The following PSD3 variants were observed in gnomAD, a reference collection of about 807,000 sequenced individuals.
PSD3 encodes the protein pleckstrin and Sec7 domain containing 3, also known as PH and SEC7 domain-containing protein 3.
A neutral mutation model predicts 105.5 loss-of-function variants in PSD3; 49 were observed. The observed-to-expected ratio is 0.46, with a 90% confidence interval of 0.37 to 0.59. The LOEUF is 0.59. PSD3 is among the 20% of genes least tolerant of loss of function. The pLI is 0.00. For synonymous variants in PSD3, 557 were observed against 457.8 expected (o/e 1.22, Z -2.77); for missense variants, 1,561 against 1,263.8 (o/e 1.24, Z -3.57).
Position 19,009,143 on chromosome 8 carries a change from G to T in PSD3, c.21+4420C>A, listed in dbSNP as rs577300231. 5.3e-5 allele frequency among the ~76,000 whole-genome samples: 8 copies of T among 152,266 alleles called. No homozygotes were observed. In the South Asian group the frequency reaches 1.7e-3, roughly 32 times the overall value. ...AGAGATCCTTTTAGACACCCCAGGG[G>T]TTTTGTTGTTGTTGTTTAATTACAC... On this transcript the variant is annotated intron_variant, in intron 1 of 15. Coordinates refer to ENST00000327040, the MANE Select transcript of PSD3 (RefSeq NM_015310.4).
chr8:18,693,945 A>C (rs1172277049), intron 9 of PSD3, among the ~76,000 whole-genome samples: 1 of 152,202 alleles, frequency 6.6e-6, no homozygotes, highest in East Asian at 1.9e-4. Flanking sequence ...AAGCATTAGC[A>C]TGGCATCTGA....
chr8:19,053,408 G>A (rs1371033145), intron 1 of PSD3, among the ~76,000 whole-genome samples: 2 of 152,182 alleles, frequency 1.3e-5, no homozygotes, highest in African/African-American at 2.4e-5. Flanking sequence ...GGGACAGAGT[G>A]ATTTAGAGAA....
At chr8:18,828,065 A>AT (rs1403148605) in intron 4 of PSD3, among the ~76,000 whole-genome samples, 243 of 104,608 alleles carry the variant, frequency 2.3e-3, no homozygotes, top group Non-Finnish European at 3.2e-3. Context: ...ATATATATAT[A>AT]TATTTTTTTT....
At position 18,575,152 on chromosome 8, in the gene PSD3, C is replaced by T; in HGVS notation, c.2615G>A (p.Trp872Ter). 1 of 1,613,178 alleles carries T rather than the reference C, an allele frequency of 6.2e-7. No individual in the cohort carries two copies. The highest frequency in any genetic ancestry group is 8.5e-7 in the Non-Finnish European group (1 of 1,179,666). ...CTGAGTTTGAAAAAGCAAGACCCTC[C>T]AGTCGGCAGTTTTAAGTTTAAACAC... ...PNVFKLKTAD[W>*]RVLLFQTQSP... is the part of the protein sequence containing the mutation. The change falls in exon 13 of 16, where the codon TGG becomes TAG. Residue 872 changes from tryptophan to a stop codon, truncating the protein, a stop_gained. Coordinates refer to ENST00000327040, the MANE Select transcript of PSD3 (RefSeq NM_015310.4). LOFTEE classifies it high-confidence loss of function.
At chr8:18,793,805 A>G (rs1001909473) in intron 8 of PSD3, among the ~76,000 whole-genome samples, 4 of 152,210 alleles carry the variant, frequency 2.6e-5, no homozygotes, top group Non-Finnish European at 4.4e-5. Flanking sequence ...TAGCCTGCAA[A>G]TGTACTTAAC....
chr8:19,047,889 A>G (rs909717165), intron 1 of PSD3, among the ~76,000 whole-genome samples: 4 of 151,986 alleles, frequency 2.6e-5, no homozygotes, highest in African/African-American at 7.2e-5. Context: ...CTGCTGTCAG[A>G]TGATGCCTAC....
chr8:18,673,621 C>A (rs149492705), intron 9 of PSD3, among the ~76,000 whole-genome samples: 10 of 152,272 alleles, frequency 6.6e-5, no homozygotes, highest in East Asian at 1.9e-4. Context: ...TCCCTCTCCC[C>A]CTCTGCTCTA....
At chr8:18,833,938 C>T (rs1813885897) in intron 4 of PSD3, among the ~76,000 whole-genome samples, 1 of 151,642 alleles carries the variant, frequency 6.6e-6, no homozygotes, top group Admixed American at 6.6e-5. Context: ...TCATGAGGGA[C>T]CAGTTAGAAA....
At position 18,691,444 on chromosome 8, in the gene PSD3, A is replaced by C. The variant is rs139469979; in HGVS notation, c.2173-35759T>G. 2.8e-3 allele frequency among the ~76,000 whole-genome samples: 430 copies of C among 152,312 alleles called. 2 individuals carry two copies. Among genetic ancestry groups the C allele is most frequent in the African/African-American group, 9.6e-3 (397 of 41,556 alleles). ...AACCATCATATGGAAAACAAACACAAAACTGTGAAGCTACAGGGCCTTCCG... is the reference window on the plus strand; with the variant it reads ...AACCATCATATGGAAAACAAACACACAACTGTGAAGCTACAGGGCCTTCCG... On this transcript the variant is annotated intron_variant, in intron 9 of 15. Coordinates refer to ENST00000327040, the MANE Select transcript of PSD3 (RefSeq NM_015310.4).
rs1173568559 is a variant in PSD3 at position 18,527,521 on chromosome 8, A to G, written c.*8222T>C. ...CATTTACACAATAAATGTACTCTAT[A>G]TATCACAGCTTCTATACATATCAGA... On this transcript the variant is annotated 3_prime_UTR_variant, in exon 16 of 16. Coordinates refer to ENST00000327040, the MANE Select transcript of PSD3 (RefSeq NM_015310.4). The G allele has an allele frequency of 6.5e-6, 1 of 152,680 alleles. No individual in the cohort carries two copies. Among genetic ancestry groups the G allele is most frequent in the Non-Finnish European group, 1.5e-5 (1 of 68,050 alleles). The allele number at this position is 152,680 out of a possible 1,614,324, so 9.5% of individuals were successfully genotyped here.
chr8:19,044,386 G>C (rs1033122679), intron 1 of PSD3, among the ~76,000 whole-genome samples: 1 of 152,142 alleles, frequency 6.6e-6, no homozygotes, highest in Non-Finnish European at 1.5e-5. Flanking sequence ...GAGCTTTGGA[G>C]CGTCAGATAG....
chr8:18,923,142 G>C (rs1052817361), intron 2 of PSD3, among the ~76,000 whole-genome samples: 1 of 152,106 alleles, frequency 6.6e-6, no homozygotes, highest in South Asian at 2.1e-4. Flanking sequence ...TGGAAGAACT[G>C]TCTTGGGCCA....
intron 1 of PSD3, among the ~76,000 whole-genome samples, chr8:19,065,614 A>G (rs190168049): frequency 2.0e-5 from 3 of 152,316 alleles, no homozygotes; most frequent in African/African-American, 4.8e-5. Context: ...AAAGGGTATT[A>G]CAACCTATAC....
intron 1 of PSD3, among the ~76,000 whole-genome samples, chr8:19,082,861 A>T (rs1829686511): frequency 6.6e-6 from 1 of 152,208 alleles, no homozygotes; most frequent in Non-Finnish European, 1.5e-5. Flanking sequence ...ATGGAATGTG[A>T]ACTATTTCTT....
chr8:18,593,057 G>C (rs141609113), intron 12 of PSD3, among the ~76,000 whole-genome samples: 245 of 152,250 alleles, frequency 1.6e-3, no homozygotes, highest in Admixed American at 3.4e-3. Context: ...CAGGACATAG[G>C]CACGGGCAAG....
At chr8:18,797,763 A>T (rs111600387) in intron 8 of PSD3, among the ~76,000 whole-genome samples, 286 of 152,296 alleles carry the variant, frequency 1.9e-3, no homozygotes, top group African/African-American at 6.7e-3. Context: ...TTAAAGAGAA[A>T]TTGCAATATT....
intron 12 of PSD3, among the ~76,000 whole-genome samples, chr8:18,582,854 C>T (rs536749676): frequency 1.1e-3 from 154 of 139,518 alleles, no homozygotes; most frequent in Non-Finnish European, 1.7e-3. Context: ...GAGACAGAGT[C>T]TCGCTCTGTC....
chr8:18,960,588 G>A (rs933312055), intron 1 of PSD3, among the ~76,000 whole-genome samples: 30 of 152,208 alleles, frequency 2.0e-4, no homozygotes, highest in Non-Finnish European at 1.5e-4. Flanking sequence ...CTGCTGCTTA[G>A]TGACATTGTT....
intron 2 of PSD3, among the ~76,000 whole-genome samples, chr8:18,875,704 T>A (rs935731471): frequency 6.6e-6 from 1 of 151,904 alleles, no homozygotes; most frequent in African/African-American, 2.4e-5. Flanking sequence ...CCTGGCTAAT[T>A]TTTTGTATTT....
Sources: gnomAD v4.1 joint callset for allele counts (sites outside exome capture counted in the v4.1 genomes callset) on GRCh38, gnomAD v4.1.1 for gene constraint, MANE v1.5 for transcripts, NCBI Gene and HGNC (gene_info 2026-07-23, HGNC 2026-07-21) for gene names.